The following RNF187 variants were observed in gnomAD, a reference collection of about 807,000 sequenced individuals.
The protein encoded by RNF187 is ring finger protein 187, also known as E3 ubiquitin-protein ligase RNF187.
In RNF187, 18 loss-of-function variants were observed where a neutral mutation model predicts 22.2. The observed-to-expected ratio is 0.81, with a 90% CI of 0.56 to 1.20. The LOEUF is 1.20. Ranked by LOEUF, RNF187 falls within the 50% of genes most tolerant of loss-of-function variation. RNF187 has a pLI of 0.00. For synonymous variants in RNF187, 164 were observed against 140.9 expected (o/e 1.16, Z -1.16); for missense variants, 329 against 317.6 (o/e 1.04, Z -0.27).
chr1:228,493,471 G>T lies in RNF187; in HGVS notation c.705+197G>T. ...ATGGGAAGGGGTTTTAAGTTGAGGA[G>T]GGTCTGAGGTGTCCCTGACCTTCAC... On this transcript the variant is annotated intron_variant, in intron 3 of 3. Coordinates refer to ENST00000305943, the MANE Select transcript of RNF187 (RefSeq NM_001010858.3). This position sits in a 1 kb window ranked among gnomAD's most constrained non-coding sequence, Gnocchi z 4.7. Among the ~76,000 whole-genome samples the T allele has an allele frequency of 1.3e-5, 2 of 152,368 alleles. No individual in the cohort carries two copies. Among genetic ancestry groups the T allele is most frequent in the East Asian group, 3.9e-4 (2 of 5,180 alleles).
At chr1:228,491,987 G>A in intron 2 of RNF187, among the ~76,000 whole-genome samples, 1 of 152,204 alleles carries the variant, frequency 6.6e-6, no homozygotes, top group Non-Finnish European at 1.5e-5. Flanking sequence ...TGGGGAGGGC[G>A]TCTTTCACTT....
chr1:228,493,364 G>C lies in RNF187; in HGVS notation c.705+90G>C. On this transcript the variant is annotated intron_variant, in intron 3 of 3. Coordinates refer to ENST00000305943, the MANE Select transcript of RNF187 (RefSeq NM_001010858.3). This position sits in a 1 kb window ranked among gnomAD's most constrained non-coding sequence, Gnocchi z 4.7. Reference sequence around the variant, plus strand: ...TTGGGGGACCATTGCCCGAAGTCAAGGCTTAAAAGCCCAGCCTGACTCCCA... The same window carrying C: ...TTGGGGGACCATTGCCCGAAGTCAACGCTTAAAAGCCCAGCCTGACTCCCA... 1.4e-6 allele frequency: 2 copies of C among 1,476,584 alleles called. No homozygotes were observed. The highest frequency in any genetic ancestry group is 1.8e-6 in the Non-Finnish European group (2 of 1,110,152). 91.5% of individuals were successfully genotyped at this position (1,476,584 alleles called of 1,614,324 possible). A position where few individuals can be genotyped will look rare whatever the true frequency, so the allele number is the denominator to read the frequency against.
chr1:228,495,725 CTCTT>C lies in RNF187; in HGVS notation c.*1844_*1847del. 1.0e-5 allele frequency: 10 copies of C among 985,438 alleles called. No individual in the cohort carries two copies. In the Admixed American group the frequency reaches 3.1e-4, roughly 30 times the overall value. 61.0% of individuals were successfully genotyped at this position (985,438 alleles called of 1,614,324 possible). On this transcript the variant is annotated 3_prime_UTR_variant, in exon 4 of 4. Coordinates refer to ENST00000305943, the MANE Select transcript of RNF187 (RefSeq NM_001010858.3). ...AACATCCCACCCTGTCAATCACAAC[CTCTT>C]TCTATTTAAGAAAATTATATATTTA...
intron 2 of RNF187, 69 bp from the exon 3 acceptor site, chr1:228,492,984 C>CA: frequency 6.8e-7 from 1 of 1,461,992 alleles, no homozygotes; most frequent in South Asian, 1.4e-5. Context: ...CCTTCAAGAG[C>CA]AAACAGGTTC....
intron 2 of RNF187, among the ~76,000 whole-genome samples, chr1:228,490,772 G>T: frequency 6.6e-6 from 1 of 152,224 alleles, no homozygotes; most frequent in Non-Finnish European, 1.5e-5. Flanking sequence ...TTAGGAGTTG[G>T]CTGAAAACCA....
At chr1:228,491,405 A>AAAAT in intron 2 of RNF187, among the ~76,000 whole-genome samples, 23 of 150,080 alleles carry the variant, frequency 1.5e-4, no homozygotes, top group African/African-American at 5.4e-4. Flanking sequence ...AAAAAAAAAA[A>AAAAT]AAAATAAAGG....
intron 2 of RNF187, 66 bp downstream of exon 2, chr1:228,489,118 G>A: frequency 7.2e-7 from 1 of 1,384,414 alleles, no homozygotes; most frequent in East Asian, 2.5e-5. Flanking sequence ...TAGACAAAGG[G>A]ACCACCAGGC....
intron 2 of RNF187, 67 bp downstream of exon 2, chr1:228,489,119 A>G: frequency 1.5e-6 from 2 of 1,369,402 alleles, no homozygotes; most frequent in Non-Finnish European, 2.0e-6. Context: ...AGACAAAGGG[A>G]CCACCAGGCC....
intron 2 of RNF187, 101 bp from the exon 3 acceptor site, chr1:228,492,952 T>C: frequency 7.9e-7 from 1 of 1,260,250 alleles, no homozygotes; most frequent in Non-Finnish European, 1.1e-6. Flanking sequence ...GCAGCATGTT[T>C]TGGAGTGGCA....
chr1:228,487,875 CA>C lies in RNF187; in HGVS notation c.389del (p.Lys130ArgfsTer10). 1.6e-6 allele frequency: 2 copies of C among 1,221,692 alleles called. No individual in the cohort carries two copies. The highest frequency in any genetic ancestry group is 2.0e-6 in the Non-Finnish European group (2 of 977,134). The allele number at this position is 1,221,692 out of a possible 1,614,324, so 75.7% of individuals were successfully genotyped here. A position where few individuals can be genotyped will look rare whatever the true frequency, so the allele number is the denominator to read the frequency against. ...CGCGCTGGAGGAAGGCGCTGCGCGG[CA>C]AGGTGCGCGCCGCGGGGTCCCGTGC... On this transcript the variant is annotated frameshift_variant and splice_region_variant, in exon 1 of 4. Coordinates refer to ENST00000305943, the MANE Select transcript of RNF187 (RefSeq NM_001010858.3). LOFTEE classifies it high-confidence loss of function.
chr1:228,493,526 C>T lies in RNF187; in HGVS notation c.705+252C>T. 2.0e-5 allele frequency among the ~76,000 whole-genome samples: 3 copies of T among 152,352 alleles called. No homozygotes were observed. The highest frequency in any genetic ancestry group is 4.1e-4 in the South Asian group (2 of 4,830). On this transcript the variant is annotated intron_variant, in intron 3 of 3. Transcript: ENST00000305943. This position sits in a 1 kb window ranked among gnomAD's most constrained non-coding sequence, Gnocchi z 4.7. ...GAGGGCACTTGGCATCCCGAGTGCC[C>T]GAGCATGGAAGGCTCCTGCCTCGCC... is the stretch of plus-strand genomic sequence containing the variant.
In RNF187 at chr1:228,494,333, T is replaced by G; in HGVS notation, c.*448T>G. ...TAGCATCCAGAAAGAAGAATGCGCATGACGCTCTGTGAAGGCTGGAACTCA... is the reference window on the plus strand; with the variant it reads ...TAGCATCCAGAAAGAAGAATGCGCAGGACGCTCTGTGAAGGCTGGAACTCA... On this transcript the variant is annotated 3_prime_UTR_variant, in exon 4 of 4. Coordinates refer to ENST00000305943, the MANE Select transcript of RNF187 (RefSeq NM_001010858.3). 9.5e-7 allele frequency: 1 copy of G among 1,055,204 alleles called. No individual in the cohort carries two copies. 65.4% of individuals were successfully genotyped at this position (1,055,204 alleles called of 1,614,324 possible). A position where few individuals can be genotyped will look rare whatever the true frequency, so the allele number is the denominator to read the frequency against.
Position 228,493,822 on chromosome 1 carries a change from T to A in RNF187, c.706-61T>A. 1 of 1,527,708 alleles carries A rather than the reference T, an allele frequency of 6.5e-7. No homozygotes were observed. The highest frequency in any genetic ancestry group is 1.2e-5 in the South Asian group (1 of 83,648). The allele number at this position is 1,527,708 out of a possible 1,614,324, so 94.6% of individuals were successfully genotyped here. ...CGCTCTCTCCTTTTGCCTCTGTCTC[T>A]GACTCTGTGTGTCTCTTTCTCTTTT... On this transcript the variant is annotated intron_variant, in intron 3 of 3. Coordinates refer to ENST00000305943, the MANE Select transcript of RNF187 (RefSeq NM_001010858.3). This position sits in a 1 kb window ranked among gnomAD's most constrained non-coding sequence, Gnocchi z 4.7.
At position 228,487,878 on chromosome 1, in the gene RNF187, G is replaced by A; in HGVS notation, c.390G>A (p.Lys130=). The stretch of plus-strand genomic sequence containing the variant: ...GCTGGAGGAAGGCGCTGCGCGGCAA[G>A]GTGCGCGCCGCGGGGTCCCGTGCCC... Residue 130 remains lysine (K), a splice_region_variant and synonymous_variant, in exon 1 of 4, where the codon AAG becomes AAA. Coordinates refer to ENST00000305943, the MANE Select transcript of RNF187 (RefSeq NM_001010858.3). The A allele has an allele frequency of 8.2e-7, 1 of 1,218,552 alleles. No individual in the cohort carries two copies. The highest frequency in any genetic ancestry group is 1.0e-6 in the Non-Finnish European group (1 of 975,550). The allele number at this position is 1,218,552 out of a possible 1,614,324, so 75.5% of individuals were successfully genotyped here.
chr1:228,493,843 C>CT lies in RNF187; in HGVS notation c.706-35dup. On this transcript the variant is annotated intron_variant, in intron 3 of 3. Coordinates refer to ENST00000305943, the MANE Select transcript of RNF187 (RefSeq NM_001010858.3). The surrounding 1 kb of genome is among the most constrained non-coding windows in gnomAD (Gnocchi z 4.7). ...TCTCTGACTCTGTGTGTCTCTTTCT[C>CT]TTTTTGTCTCTCTGTCTTTCCCTCT... The CT allele has an allele frequency of 6.5e-7, 1 of 1,549,366 alleles. No homozygotes were observed. The highest frequency in any genetic ancestry group is 8.7e-7 in the Non-Finnish European group (1 of 1,144,838).
rs1418193344 is a variant in RNF187, at chr1:228,487,839, C to T, written c.351C>T (p.Pro117=). 8.1e-7 allele frequency: 1 copy of T among 1,228,968 alleles called. No individual in the cohort carries two copies. The highest frequency in any genetic ancestry group is 4.2e-5 in the Admixed American group (1 of 24,002). The allele number at this position is 1,228,968 out of a possible 1,614,324, so 76.1% of individuals were successfully genotyped here. A position where few individuals can be genotyped will look rare whatever the true frequency, so the allele number is the denominator to read the frequency against. The change falls in exon 1 of 4, where the codon CCC becomes CCT. Residue 117 remains proline (P), a synonymous_variant. Coordinates refer to ENST00000305943, the MANE Select transcript of RNF187 (RefSeq NM_001010858.3). ...GTATGGCTGCGGGCCCCGAGCCGCC[C>T]GAGTGGGAACCGCGCTGGAGGAAGG...
chr1:228,493,187 C>T lies in RNF187; in HGVS notation c.618C>T (p.Asp206=), dbSNP rs1373080607. 5 of 1,551,704 alleles carry T rather than the reference C, an allele frequency of 3.2e-6. No individual in the cohort carries two copies. The highest frequency in any genetic ancestry group is 3.9e-5 in the Admixed American group (2 of 51,014). Reference sequence around the variant, plus strand: ...GGCTCCCTGAGGACGAGCTGGCTGACCCCACTGAGCGGTTCAGGTCACTGC... The same window carrying T: ...GGCTCCCTGAGGACGAGCTGGCTGATCCCACTGAGCGGTTCAGGTCACTGC... Residue 206 remains aspartate (D), a synonymous_variant, in exon 3 of 4, where the codon GAC becomes GAT. Transcript: ENST00000305943. This position sits in a 1 kb window ranked among gnomAD's most constrained non-coding sequence, Gnocchi z 4.7.
At position 228,493,183 on chromosome 1, in the gene RNF187, C is replaced by G. The variant is rs1478852193; in HGVS notation, c.614C>G (p.Ala205Gly). 1 of 1,551,732 alleles carries G rather than the reference C, an allele frequency of 6.4e-7. No homozygotes were observed. Among genetic ancestry groups the G allele is most frequent in the South Asian group, 1.2e-5 (1 of 84,054 alleles). Residue 205 changes from alanine (A) to glycine (G), a missense_variant, in exon 3 of 4, where the codon GCT (alanine) becomes GGT (glycine). By Grantham distance (60) the Ala-to-Gly change is moderately conservative. Transcript: ENST00000305943. This position sits in a 1 kb window ranked among gnomAD's most constrained non-coding sequence, Gnocchi z 4.7. Reference sequence around the variant, plus strand: ...GAGGGGCTCCCTGAGGACGAGCTGGCTGACCCCACTGAGCGGTTCAGGTCA... The same window carrying G: ...GAGGGGCTCCCTGAGGACGAGCTGGGTGACCCCACTGAGCGGTTCAGGTCA...
chr1:228,493,841 C>G lies in RNF187; in HGVS notation c.706-42C>G. On this transcript the variant is annotated intron_variant, in intron 3 of 3. Transcript: ENST00000305943. This position sits in a 1 kb window ranked among gnomAD's most constrained non-coding sequence, Gnocchi z 4.7. ...TGTCTCTGACTCTGTGTGTCTCTTTCTCTTTTTGTCTCTCTGTCTTTCCCT... is the reference window on the plus strand; with the variant it reads ...TGTCTCTGACTCTGTGTGTCTCTTTGTCTTTTTGTCTCTCTGTCTTTCCCT... 6.5e-7 allele frequency: 1 copy of G among 1,547,632 alleles called. No homozygotes were observed. The highest frequency in any genetic ancestry group is 8.7e-7 in the Non-Finnish European group (1 of 1,143,268).
Sources: gnomAD v4.1 joint callset for allele counts (sites outside exome capture counted in the v4.1 genomes callset) on GRCh38, gnomAD v4.1.1 for gene constraint, Gnocchi (gnomAD v3.1) non-coding constraint, MANE v1.5 for transcripts, NCBI Gene and HGNC (gene_info 2026-07-23, HGNC 2026-07-21) for gene names.